MALSU1: variants seen among roughly 807,000 people sequenced by gnomAD.
MALSU1 encodes mitochondrial assembly of ribosomal large subunit 1, also known as mitochondrial assembly of ribosomal large subunit protein 1.
A neutral mutation model predicts 22.1 loss-of-function variants in MALSU1; 22 were observed. The observed-to-expected ratio is 1.00, with a 90% CI of 0.71 to 1.42. The LOEUF is 1.42. MALSU1 is among the 40% of genes most tolerant of loss of function. The pLI is 0.00. For synonymous variants in MALSU1, 153 were observed against 118.5 expected (o/e 1.29, Z -1.89); for missense variants, 379 against 308.3 (o/e 1.23, Z -1.72).
In MALSU1 at chr7:23,310,564, G is replaced by A. The variant is rs571204389; in HGVS notation, c.*1021G>A. On this transcript the variant is annotated 3_prime_UTR_variant, in exon 4 of 4. Coordinates refer to ENST00000466681, the MANE Select transcript of MALSU1 (RefSeq NM_138446.2). Reference sequence around the variant, plus strand: ...TACCTGAAATCCAACCAGAAAGCCAGTCCATGATTTTAGCAATTTTAATTC... The same window carrying A: ...TACCTGAAATCCAACCAGAAAGCCAATCCATGATTTTAGCAATTTTAATTC... 1 of 152,160 alleles carries A rather than the reference G, an allele frequency of 6.6e-6. No individual in the cohort carries two copies. The highest frequency in any genetic ancestry group is 2.4e-5 in the African/African-American group (1 of 41,518). 9.4% of individuals were successfully genotyped at this position (152,160 alleles called of 1,614,324 possible).
intron 2 of MALSU1, among the ~76,000 whole-genome samples, chr7:23,304,499 CTTT>C (rs1393637530): frequency 2.0e-5 from 3 of 152,080 alleles, no homozygotes; most frequent in Non-Finnish European, 4.4e-5. Flanking sequence ...AAGTCCTTTG[CTTT>C]TTTGTTTGTT....
intron 3 of MALSU1, 40 bp downstream of exon 3, chr7:23,307,989 C>T: frequency 7.5e-7 from 1 of 1,330,304 alleles, no homozygotes; most frequent in Non-Finnish European, 1.1e-6. Flanking sequence ...ACTGTTGGTA[C>T]TACGCTAATC....
At position 23,311,692 on chromosome 7, in the gene MALSU1, T is replaced by C. The variant is rs1342107487; in HGVS notation, c.*2149T>C. 3.9e-5 allele frequency: 6 copies of C among 152,494 alleles called. No homozygotes were observed. The highest frequency in any genetic ancestry group is 3.3e-4 in the Admixed American group (5 of 15,230). 9.4% of individuals were successfully genotyped at this position (152,494 alleles called of 1,614,324 possible). A position where few individuals can be genotyped will look rare whatever the true frequency, so the allele number is the denominator to read the frequency against. ...CTGTTAGCTGATTGCTGTTAAATTT[T>C]AAATTTATTTTTTAAAAAACGGTTG... On this transcript the variant is annotated 3_prime_UTR_variant, in exon 4 of 4. Transcript: ENST00000466681.
chr7:23,309,734 C>T lies in MALSU1; in HGVS notation c.*191C>T, dbSNP rs1783781031. ...CTATACCTGCAACCAAAAATCAGTA[C>T]ATTCTACCCAAAACTTATGACACGC... On this transcript the variant is annotated 3_prime_UTR_variant, in exon 4 of 4. Transcript: ENST00000466681. 5.1e-6 allele frequency: 2 copies of T among 393,502 alleles called. No individual in the cohort carries two copies. Among genetic ancestry groups the T allele is most frequent in the South Asian group, 6.2e-5 (1 of 16,044 alleles). 24.4% of individuals were successfully genotyped at this position (393,502 alleles called of 1,614,324 possible).
chr7:23,309,319 C>A, intron 3 of MALSU1, 37 bp from the exon 4 acceptor site: 1 of 1,536,462 alleles, frequency 6.5e-7, no homozygotes, highest in Non-Finnish European at 8.8e-7. Flanking sequence ...AGCAAATGAA[C>A]TATTCCTTCA....
chr7:23,304,081 G>T (rs914208390), intron 2 of MALSU1, among the ~76,000 whole-genome samples: 2 of 151,826 alleles, frequency 1.3e-5, no homozygotes, highest in African/African-American at 4.8e-5. Flanking sequence ...TCTCCAGCCT[G>T]GGCAACAAGA....
chr7:23,306,024 G>A (rs909381197), intron 2 of MALSU1, among the ~76,000 whole-genome samples: 2 of 152,118 alleles, frequency 1.3e-5, no homozygotes, highest in South Asian at 2.1e-4. Flanking sequence ...GAGAAACCCC[G>A]TCTCTACTGA....
chr7:23,306,428 CCT>C lies in MALSU1; in HGVS notation c.436-1439_436-1438del, dbSNP rs1491347532. Among the ~76,000 whole-genome samples the C allele has an allele frequency of 2.7e-5, 4 of 147,086 alleles. No homozygotes were observed. In the East Asian group the frequency reaches 7.8e-4, roughly 29 times the overall value. ...TACTTCCTCCTTTCCAATTTGGGTA[CCT>C]TTTTTTTTTTTATTGACGAATTGCT... is the stretch of plus-strand genomic sequence containing the variant. On this transcript the variant is annotated intron_variant, in intron 2 of 3. Transcript: ENST00000466681.
intron 2 of MALSU1, among the ~76,000 whole-genome samples, chr7:23,307,110 T>G (rs1007762291): frequency 6.6e-6 from 1 of 152,216 alleles, no homozygotes; most frequent in Admixed American, 6.5e-5. Context: ...TTCTAGAAAT[T>G]TTGCTATTTC....
In MALSU1 at chr7:23,305,945, A is replaced by G. The variant is rs1254991270; in HGVS notation, c.436-1923A>G. ...CACGGTGGCTGATGTCTGTAATCCT[A>G]GCACTTTGGGAGGCCGAGGCAGGCA... On this transcript the variant is annotated intron_variant, in intron 2 of 3. Transcript: ENST00000466681. Among the ~76,000 whole-genome samples the G allele has an allele frequency of 2.0e-5, 3 of 152,312 alleles. No individual in the cohort carries two copies. The East Asian group carries it at 5.8e-4, about 29-fold the overall frequency.
At chr7:23,304,233 G>A (rs1289257649) in intron 2 of MALSU1, among the ~76,000 whole-genome samples, 1 of 152,112 alleles carries the variant, frequency 6.6e-6, no homozygotes, top group Admixed American at 6.6e-5. Context: ...CTAGCACAAA[G>A]CTGAATGTTT....
rs369712497 is a variant in MALSU1 at position 23,309,454 on chromosome 7, A to G, written c.616A>G (p.Ile206Val). Residue 206 changes from isoleucine to valine, a missense_variant, in exon 4 of 4, where the codon ATA becomes GTA. Transcript: ENST00000466681. ...LRSYDDQLAQ[I>V]APETVPEDFI... ...TTCTTATGATGACCAGTTAGCTCAG[A>G]TAGCACCTGAGACAGTACCTGAAGA... 2.9e-4 allele frequency: 466 copies of G among 1,612,576 alleles called. 8 individuals carry two copies. The South Asian group carries it at 4.4e-3, about 15-fold the overall frequency.
In MALSU1 at chr7:23,307,871, A is replaced by G. The variant is rs1334678588; in HGVS notation, c.439A>G (p.Lys147Glu). 6.2e-7 allele frequency: 1 copy of G among 1,613,188 alleles called. No individual in the cohort carries two copies. The highest frequency in any genetic ancestry group is 1.1e-5 in the South Asian group (1 of 91,018). Residue 147 changes from lysine (K) to glutamate (E), a missense_variant, in exon 3 of 4, where the codon AAA becomes GAA. Physicochemically the swap from Lys to Glu is moderately conservative, Grantham distance 56. Transcript: ENST00000466681. ...AMAFYVVKMY[K>E]HLKCKRDPHV... ...TAAACCACCTGGCTTTTTGCAGTAC[A>G]AACACCTGAAATGTAAACGTGACCC...
chr7:23,307,791 CA>C (rs535472095), intron 2 of MALSU1, 76 bp from the exon 3 acceptor site: 11,753 of 719,582 alleles, frequency 0.016, no homozygotes, highest in South Asian at 0.025. Context: ...AACAAACAAA[CA>C]AAAAAAAAAG....
chr7:23,307,882 A>T lies in MALSU1; in HGVS notation c.450A>T (p.Lys150Asn). ...FYVVKMYKHL[K>N]CKRDPHVKIE... is the part of the protein sequence containing the mutation. ...GCTTTTTGCAGTACAAACACCTGAA[A>T]TGTAAACGTGACCCTCATGTTAAGA... is the stretch of plus-strand genomic sequence containing the variant. The change falls in exon 3 of 4, where the codon AAA becomes AAT. Residue 150 changes from lysine to asparagine, a missense_variant. Transcript: ENST00000466681. 3.1e-6 allele frequency: 5 copies of T among 1,613,918 alleles called. No individual in the cohort carries two copies. Among genetic ancestry groups the T allele is most frequent in the Non-Finnish European group, 4.2e-6 (5 of 1,179,794 alleles).
intron 2 of MALSU1, among the ~76,000 whole-genome samples, chr7:23,302,878 G>A (rs1275480306): frequency 6.6e-6 from 1 of 152,202 alleles, no homozygotes; most frequent in African/African-American, 2.4e-5. Flanking sequence ...CCGAGTTCAA[G>A]TGATTCTCCG....
At chr7:23,301,657 G>A (rs762694807) in intron 2 of MALSU1, among the ~76,000 whole-genome samples, 2 of 152,168 alleles carry the variant, frequency 1.3e-5, no homozygotes, top group African/African-American at 2.4e-5. Context: ...AGCTACATGT[G>A]CCTATTTAAT....
rs762473553 is a variant in MALSU1 at position 23,299,466 on chromosome 7, C to T, written c.114C>T (p.Ala38=). 5.8e-5 allele frequency: 93 copies of T among 1,609,162 alleles called. No individual in the cohort carries two copies. The highest frequency in any genetic ancestry group is 7.2e-5 in the Non-Finnish European group (85 of 1,179,522). ...CCGAGCCCGGGCTTCGGCTGCTGGC[C>T]GTGCAGCGGCTTCCCGTAGGAGCAG... is the stretch of plus-strand genomic sequence containing the variant. ...VGAEPGLRLL[A]VQRLPVGAAF... The change falls in exon 1 of 4, where the codon GCC becomes GCT. Residue 38 remains alanine, a synonymous_variant. Transcript: ENST00000466681.
intron 3 of MALSU1, 133 bp from the exon 4 acceptor site, chr7:23,309,221 CCA>C (rs1203010553): frequency 8.0e-6 from 6 of 746,430 alleles, no homozygotes; most frequent in Non-Finnish European, 1.3e-5. Context: ...GGGATGGAGT[CCA>C]CAGTGATGCT....
Sources: allele counts gnomAD v4.1 joint callset (sites outside exome capture counted in the v4.1 genomes callset), GRCh38; gene constraint gnomAD v4.1.1; transcripts MANE v1.5; gene names NCBI Gene and HGNC (gene_info 2026-07-23, HGNC 2026-07-21).